Variants in PCDHA8 observed in about 807,000 individuals in gnomAD.
The protein encoded by PCDHA8 is protocadherin alpha 8.
A neutral mutation model predicts 61.8 loss-of-function variants in PCDHA8; 53 were observed. That is an observed-to-expected ratio of 0.86 (90% CI 0.69 to 1.08). The LOEUF is 1.08. PCDHA8 is among the 50% of genes least tolerant of loss of function. PCDHA8 has a pLI of 0.00. For missense variants in PCDHA8, 1,293 were observed against 1,245.0 expected, an observed-to-expected ratio of 1.04 and a Z score of -0.58; for synonymous variants, 618 against 556.6, an observed-to-expected ratio of 1.11 and a Z score of -1.55.
At position 140,842,303 on chromosome 5, in the gene PCDHA8, C is replaced by T. The variant is rs1554138957; in HGVS notation, c.982C>T (p.Pro328Ser). The change falls in exon 1 of 4, where the codon CCT becomes TCT. Residue 328 changes from proline to serine, a missense_variant. Pro to Ser is a moderately conservative substitution (Grantham distance 74). Transcript: ENST00000531613. ...ILIDATDKGH[P>S]PMAGHCTVLV... Reference sequence around the variant, plus strand: ...CATTGACGCCACGGACAAAGGCCATCCTCCCATGGCGGGTCATTGCACCGT... The same window carrying T: ...CATTGACGCCACGGACAAAGGCCATTCTCCCATGGCGGGTCATTGCACCGT... 1.2e-6 allele frequency: 2 copies of T among 1,608,454 alleles called. No individual in the cohort carries two copies. The highest frequency in any genetic ancestry group is 1.7e-6 in the Non-Finnish European group (2 of 1,175,156).
In PCDHA8 at chr5:140,852,586, T is replaced by TTA. The variant is rs1554145914; in HGVS notation, c.2394+8872_2394+8873insAT. On this transcript the variant is annotated intron_variant, in intron 1 of 3. Transcript: ENST00000531613. ...CCACTGTGCCAAGGCTTTTTTATTTTTTTTTTTTGTCATTTTCTTTCAAAA... is the reference window on the plus strand; with the variant it reads ...CCACTGTGCCAAGGCTTTTTTATTTTTATTTTTTTTGTCATTTTCTTTCAAAA... 25 of 878,568 alleles carry TTA rather than the reference T, an allele frequency of 2.8e-5. 1 individual carries two copies. The highest frequency in any genetic ancestry group is 1.3e-4 in the Admixed American group (2 of 15,686). 54.4% of individuals were successfully genotyped at this position (878,568 alleles called of 1,614,324 possible).
chr5:140,848,630 G>A (rs143400939), intron 1 of PCDHA8: 3 of 1,593,262 alleles, frequency 1.9e-6, no homozygotes, highest in African/African-American at 2.7e-5. Context: ...GCACCTTCGT[G>A]GGCCGCATCG....
rs2150500536 is a variant in PCDHA8, at chr5:140,850,854, G to C, written c.2394+7139G>C. On this transcript the variant is annotated intron_variant, in intron 1 of 3. Transcript: ENST00000531613. ...TTGTGCTGGATCTACAGAGCGAACG[G>C]GAGAACCCTCTGCTTCCTCAGATTC... 60 of 1,595,366 alleles carry C rather than the reference G, an allele frequency of 3.8e-5. 3 individuals carry two copies. In the South Asian group the frequency reaches 6.2e-4, roughly 16 times the overall value.
intron 1 of PCDHA8, chr5:140,877,460 C>T: frequency 6.2e-7 from 1 of 1,613,840 alleles, no homozygotes; most frequent in Non-Finnish European, 8.5e-7. Context: ...ACGTCCACGG[C>T]CACGGTGCTG....
At position 140,848,738 on chromosome 5, in the gene PCDHA8, T is replaced by C. The variant is rs1554142405; in HGVS notation, c.2394+5023T>C. ...ACCTTCTGGAGGTAAATCTGCAGAA[T>C]GGCATTTTGTTTGTGAATTCTCGGA... On this transcript the variant is annotated intron_variant, in intron 1 of 3. Transcript: ENST00000531613. 9 of 1,592,802 alleles carry C rather than the reference T, an allele frequency of 5.7e-6. 1 individual carries two copies. Among genetic ancestry groups the C allele is most frequent in the Middle Eastern group, 1.7e-4 (1 of 5,866 alleles).
In PCDHA8 at chr5:140,841,851, A is replaced by C; in HGVS notation, c.530A>C (p.Tyr177Ser). 1 of 1,613,782 alleles carries C rather than the reference A, an allele frequency of 6.2e-7. No homozygotes were observed. Among genetic ancestry groups the C allele is most frequent in the South Asian group, 1.1e-5 (1 of 91,078 alleles). The change falls in exon 1 of 4, where the codon TAC becomes TCC. Residue 177 changes from tyrosine (Y) to serine (S), a missense_variant. Coordinates refer to ENST00000531613, the MANE Select transcript of PCDHA8 (RefSeq NM_018911.3). The part of the protein sequence containing the change: ...VLTYRLSSHD[Y>S]FMLDVNSKND... ...ACCTACAGGCTTAGCTCTCATGATT[A>C]CTTCATGCTAGATGTGAATTCAAAG...
Position 140,856,390 on chromosome 5 carries a change from G to A in PCDHA8, c.2394+12675G>A, listed in dbSNP as rs2043967931. On this transcript the variant is annotated intron_variant, in intron 1 of 3. Coordinates refer to ENST00000531613, the MANE Select transcript of PCDHA8 (RefSeq NM_018911.3). ...AGGTGATCGTGGACAGGCCGCTGCA[G>A]GTTTTCCATGTGGACGTGGAAGTGA... is the stretch of plus-strand genomic sequence containing the variant. 3 of 1,598,440 alleles carry A rather than the reference G, an allele frequency of 1.9e-6. 1 individual carries two copies. The highest frequency in any genetic ancestry group is 2.6e-6 in the Non-Finnish European group (3 of 1,167,994).
chr5:140,927,564 G>A (rs868927450), intron 1 of PCDHA8: 1 of 1,614,150 alleles, frequency 6.2e-7, no homozygotes, highest in South Asian at 1.1e-5. Context: ...TCATTGTGGT[G>A]GACACAAATG....
rs1424860955 is a variant in PCDHA8, at chr5:140,855,923, A to G, written c.2394+12208A>G. 3.3e-6 allele frequency: 4 copies of G among 1,229,030 alleles called. No individual in the cohort carries two copies. In the East Asian group the frequency reaches 9.4e-5, roughly 29 times the overall value. The allele number at this position is 1,229,030 out of a possible 1,614,324, so 76.1% of individuals were successfully genotyped here. ...GCCAGTTTCTCAAGGACTAGGAAGT[A>G]GCGTCATTCTGAGATCTCAGCCATT... On this transcript the variant is annotated intron_variant, in intron 1 of 3. Transcript: ENST00000531613.
chr5:140,892,943 AC>A (rs2063750109), intron 1 of PCDHA8, among the ~76,000 whole-genome samples: 1 of 152,088 alleles, frequency 6.6e-6, no homozygotes, highest in South Asian at 2.1e-4. Flanking sequence ...TAAGCACAAT[AC>A]TACTTCCATG....
At chr5:140,882,755 G>T in intron 1 of PCDHA8, 1 of 1,614,230 alleles carries the variant, frequency 6.2e-7, no homozygotes, top group Non-Finnish European at 8.5e-7. Flanking sequence ...TGCAGATATT[G>T]GAGTAAACTC....
At chr5:140,982,665 A>T in intron 3 of PCDHA8, 102 bp downstream of exon 3, 1 of 1,465,322 alleles carries the variant, frequency 6.8e-7, no homozygotes, top group Non-Finnish European at 9.0e-7. Context: ...TTTCTTTTAT[A>T]TTTTTGTTAT....
At chr5:140,860,585 A>G (rs782000527) in intron 1 of PCDHA8, 1 of 152,230 alleles carries the variant, frequency 6.6e-6, no homozygotes, top group African/African-American at 2.4e-5. Flanking sequence ...AAGGTATAGG[A>G]AAGGAGTTGG....
At chr5:140,971,462 A>G (rs1554233357) in intron 1 of PCDHA8, among the ~76,000 whole-genome samples, 1 of 152,184 alleles carries the variant, frequency 6.6e-6, no homozygotes, top group African/African-American at 2.4e-5. Flanking sequence ...TTTTGCAGTT[A>G]TAGGGAGAGA....
At chr5:140,929,663 G>A (rs1284467278) in intron 1 of PCDHA8, 1 of 336,002 alleles carries the variant, frequency 3.0e-6, no homozygotes, top group African/African-American at 2.1e-5. Context: ...TATTTAAAGT[G>A]AAGAATGAAA....
At chr5:140,914,710 G>T (rs879987412) in intron 1 of PCDHA8, among the ~76,000 whole-genome samples, 22 of 151,256 alleles carry the variant, frequency 1.5e-4, no homozygotes, top group Non-Finnish European at 2.4e-4. Flanking sequence ...TTAATTTCTT[G>T]TTTTTTATTT....
intron 1 of PCDHA8, chr5:140,968,754 G>T: frequency 1.2e-6 from 2 of 1,614,170 alleles, no homozygotes; most frequent in Non-Finnish European, 1.7e-6. Flanking sequence ...GTGGTGGTCC[G>T]AGATAATGGA....
At chr5:140,861,466 TG>T in intron 1 of PCDHA8, 1 of 493,934 alleles carries the variant, frequency 2.0e-6, no homozygotes, top group Admixed American at 2.1e-5. Flanking sequence ...GAGGTAAATC[TG>T]CAGAATGGCA....
intron 1 of PCDHA8, chr5:140,871,435 G>T: frequency 6.2e-7 from 1 of 1,612,454 alleles, no homozygotes; most frequent in Non-Finnish European, 8.5e-7. Context: ...TCTTCCTCTA[G>T]GTCTGAATAA....
Sources: gnomAD v4.1 joint callset for allele counts (sites outside exome capture counted in the v4.1 genomes callset) on GRCh38, gnomAD v4.1.1 for gene constraint, MANE v1.5 for transcripts, NCBI Gene and HGNC (gene_info 2026-07-23, HGNC 2026-07-21) for gene names.